DPYD: variants seen among roughly 807,000 people sequenced by gnomAD.
DPYD encodes the protein dihydropyrimidine dehydrogenase [NADP(+)].
DPYD carries 109 observed loss-of-function variants against 116.2 expected under a neutral mutation model. That is an observed-to-expected ratio of 0.94 (90% CI 0.80 to 1.10). The LOEUF is 1.10. Among genes scored for constraint, DPYD ranks in the 50% least tolerant of loss-of-function variants. The probability of loss-of-function intolerance (pLI) is 0.00; values close to 1 mark genes in which losing one functional copy is unlikely to be tolerated. For missense variants in DPYD, 1,302 were observed against 1,254.5 expected (o/e 1.04, Z -0.57); for synonymous variants, 440 against 432.0 (o/e 1.02, Z -0.23).
intron 3 of DPYD, among the ~76,000 whole-genome samples, chr1:97,778,708 T>C (rs1284264013): frequency 6.6e-6 from 1 of 152,142 alleles, no homozygotes. Context: ...TCAATATATA[T>C]AGGCATAGCT....
intron 3 of DPYD, among the ~76,000 whole-genome samples, chr1:97,788,535 C>T (rs1023054731): frequency 6.6e-6 from 1 of 152,156 alleles, no homozygotes; most frequent in Non-Finnish European, 1.5e-5. Context: ...AACGAACTAC[C>T]CACTGAGTCC....
Position 97,341,380 on chromosome 1 carries a change from G to T in DPYD, c.2058+32181C>A, listed in dbSNP as rs79233480. On this transcript the variant is annotated intron_variant, in intron 16 of 22. Transcript: ENST00000370192. ...GATATGCTTAGATTGATATTTCTAT[G>T]CACAAGACTTGACAAGTAAAATTTT... 1.0e-3 allele frequency among the ~76,000 whole-genome samples: 159 copies of T among 152,134 alleles called. 2 individuals are homozygous for T. The East Asian group carries it at 0.012, about 12-fold the overall frequency.
At chr1:97,521,832 G>C (rs1387681498) in intron 12 of DPYD, among the ~76,000 whole-genome samples, 1 of 152,124 alleles carries the variant, frequency 6.6e-6, no homozygotes, top group Non-Finnish European at 1.5e-5. Flanking sequence ...TTAATAAATG[G>C]TGTTGGTAAA....
chr1:97,135,175 T>C (rs1308139454), intron 20 of DPYD, among the ~76,000 whole-genome samples: 1 of 152,152 alleles, frequency 6.6e-6, no homozygotes, highest in Non-Finnish European at 1.5e-5. Context: ...ATTTAGCTAA[T>C]CCTTAGCTTT....
intron 3 of DPYD, among the ~76,000 whole-genome samples, chr1:97,807,211 T>C (rs568864099): frequency 7.2e-5 from 11 of 152,126 alleles, no homozygotes; most frequent in Non-Finnish European, 1.5e-4. Flanking sequence ...AGTAAGAGTA[T>C]GTTTAATTGT....
intron 4 of DPYD, among the ~76,000 whole-genome samples, chr1:97,734,545 G>A (rs1008122029): frequency 1.3e-5 from 2 of 151,476 alleles, no homozygotes; most frequent in African/African-American, 4.9e-5. Context: ...AAAATCTCTG[G>A]GTTTTTTATC....
intron 1 of DPYD, among the ~76,000 whole-genome samples, chr1:97,902,258 T>G (rs1558042527): frequency 6.6e-6 from 1 of 151,774 alleles, no homozygotes; most frequent in Non-Finnish European, 1.5e-5. Flanking sequence ...CCAAGTCTCC[T>G]AACTCTATGA....
chr1:97,470,799 A>T (rs1482077911), intron 13 of DPYD, among the ~76,000 whole-genome samples: 1 of 152,172 alleles, frequency 6.6e-6, no homozygotes, highest in East Asian at 1.9e-4. Context: ...GGAGTTCGAG[A>T]CCAGCTTGGC....
At chr1:97,652,611 A>T (rs950907962) in intron 8 of DPYD, among the ~76,000 whole-genome samples, 1 of 152,206 alleles carries the variant, frequency 6.6e-6, no homozygotes, top group Non-Finnish European at 1.5e-5. Context: ...GCATATTATC[A>T]AGATTTCATT....
At chr1:97,658,228 T>C (rs1659052200) in intron 8 of DPYD, among the ~76,000 whole-genome samples, 1 of 152,170 alleles carries the variant, frequency 6.6e-6, no homozygotes, top group Non-Finnish European at 1.5e-5. Context: ...TAAATATATA[T>C]TTCCTAATGA....
chr1:97,173,189 T>C (rs537790052), intron 20 of DPYD, among the ~76,000 whole-genome samples: 2 of 147,506 alleles, frequency 1.4e-5, no homozygotes, highest in African/African-American at 2.5e-5. Flanking sequence ...TACATATATA[T>C]GTGTATATAT....
chr1:97,789,977 A>T (rs1667230232), intron 3 of DPYD, among the ~76,000 whole-genome samples: 1 of 152,204 alleles, frequency 6.6e-6, no homozygotes. Flanking sequence ...GCAAGGGAGA[A>T]ATATCAAGTT....
At chr1:97,384,079 G>A (rs572058510) in intron 14 of DPYD, among the ~76,000 whole-genome samples, 55 of 151,624 alleles carry the variant, frequency 3.6e-4, no homozygotes, top group African/African-American at 1.1e-3. Context: ...ACTGCACTCC[G>A]GCCTGGGCAA....
chr1:97,310,366 T>C (rs531985028), intron 16 of DPYD, among the ~76,000 whole-genome samples: 102 of 151,908 alleles, frequency 6.7e-4, no homozygotes, highest in Middle Eastern at 3.4e-3. Context: ...ACCTTCATCT[T>C]CTTTAGCAAA....
At chr1:97,605,504 C>T (rs1178122023) in intron 8 of DPYD, among the ~76,000 whole-genome samples, 1 of 152,096 alleles carries the variant, frequency 6.6e-6, no homozygotes, top group Non-Finnish European at 1.5e-5. Flanking sequence ...CCTTTGCCTT[C>T]TGCCATACTG....
At chr1:97,589,231 T>C (rs1475746924) in intron 10 of DPYD, among the ~76,000 whole-genome samples, 1 of 152,246 alleles carries the variant, frequency 6.6e-6, no homozygotes, top group African/African-American at 2.4e-5. Flanking sequence ...TAGTTCTTGG[T>C]TACTAACCAC....
At chr1:97,588,159 C>CAATAGCTAAAACATGTAAAAACTGACATA (rs1654271785) in intron 10 of DPYD, among the ~76,000 whole-genome samples, 2 of 152,254 alleles carry the variant, frequency 1.3e-5, no homozygotes, top group Admixed American at 6.5e-5. Context: ...TTAACCCTCT[C>CAATAGCTAAAACATGTAAAAACTGACATA]AATAGCTAAA....
chr1:97,765,506 T>A (rs1665799310), intron 3 of DPYD, among the ~76,000 whole-genome samples: 2 of 152,134 alleles, frequency 1.3e-5, no homozygotes, highest in African/African-American at 2.4e-5. Flanking sequence ...GAATTCCATA[T>A]TCCATTTTTA....
intron 18 of DPYD, among the ~76,000 whole-genome samples, chr1:97,272,755 C>T (rs775516625): frequency 1.3e-4 from 20 of 152,084 alleles, no homozygotes; most frequent in Non-Finnish European, 2.9e-4. Context: ...TACGTTACTA[C>T]AAGCTATTTC....
Sources: gnomAD v4.1 joint callset for allele counts (sites outside exome capture counted in the v4.1 genomes callset) on GRCh38, gnomAD v4.1.1 for gene constraint, MANE v1.5 for transcripts, NCBI Gene and HGNC (gene_info 2026-07-23, HGNC 2026-07-21) for gene names.